The following DENND1A variants were observed in gnomAD, a reference collection of about 807,000 sequenced individuals.
DENND1A encodes DENN domain containing 1A.
Under a neutral mutation model 113.7 loss-of-function variants are expected in DENND1A, and 51 were observed. That is an observed-to-expected ratio of 0.45 (90% confidence interval 0.36 to 0.57). The LOEUF is 0.57. Among genes scored for constraint, DENND1A ranks in the 20% least tolerant of loss-of-function variants. DENND1A has a pLI of 0.00. For synonymous variants in DENND1A, 565 were observed against 570.8 expected (o/e 0.99, Z 0.14); for missense variants, 1,258 against 1,395.9 (o/e 0.90, Z 1.57).
chr9:123,815,554 A>T (rs567689454), intron 2 of DENND1A, among the ~76,000 whole-genome samples: 2 of 152,386 alleles, frequency 1.3e-5, no homozygotes, highest in South Asian at 4.1e-4. Context: ...ATAATTATAT[A>T]GCACTTGCAG....
At chr9:123,519,222 T>C (rs777516355) in intron 13 of DENND1A, among the ~76,000 whole-genome samples, 121 of 152,350 alleles carry the variant, frequency 7.9e-4, no homozygotes, top group Non-Finnish European at 3.5e-4. Flanking sequence ...TACATCGGTC[T>C]GTCTCCTTGT....
chr9:123,787,777 A>G (rs865889213), intron 3 of DENND1A, among the ~76,000 whole-genome samples: 4 of 152,212 alleles, frequency 2.6e-5, no homozygotes, highest in South Asian at 2.1e-4. Flanking sequence ...AAACCTTAAG[A>G]GAAAGGGCAC....
chr9:123,674,841 CTT>C (rs11327678), intron 6 of DENND1A, among the ~76,000 whole-genome samples: 3,508 of 132,334 alleles, frequency 0.027, 58 homozygotes, highest in South Asian at 0.062. Context: ...GTTTTTTTCT[CTT>C]TTTTTTTTTT....
At chr9:123,426,492 A>G (rs2045743186) in intron 19 of DENND1A, among the ~76,000 whole-genome samples, 1 of 152,188 alleles carries the variant, frequency 6.6e-6, no homozygotes, top group Non-Finnish European at 1.5e-5. Flanking sequence ...AGGTGGTGCT[A>G]GAAACCACAG....
intron 2 of DENND1A, among the ~76,000 whole-genome samples, chr9:123,799,726 G>A (rs143734184): frequency 5.9e-5 from 9 of 152,048 alleles, no homozygotes; most frequent in Non-Finnish European, 1.2e-4. Flanking sequence ...TATAAATACC[G>A]AACAAATATT....
At chr9:123,625,666 C>T (rs1300535255) in intron 10 of DENND1A, among the ~76,000 whole-genome samples, 3 of 152,174 alleles carry the variant, frequency 2.0e-5, no homozygotes, top group African/African-American at 7.2e-5. Context: ...ATCGCTTGAA[C>T]CCAGGAGGCT....
At position 123,552,018 on chromosome 9, in the gene DENND1A, C is replaced by CGAGAGAGAGAGAGAGAGACAGAGA. The variant is rs2057089911; in HGVS notation, c.993+5551_993+5552insTCTCTGTCTCTCTCTCTCTCTCTC. On this transcript the variant is annotated intron_variant, in intron 13 of 23. Transcript: ENST00000394215. ...GAGAGAGAGCGAGAGAGAGCGAGAG[C>CGAGAGAGAGAGAGAGAGACAGAGA]GAGAGAGAGAGAGAGAGAGACAGAG... 7.6e-4 allele frequency among the ~76,000 whole-genome samples: 90 copies of CGAGAGAGAGAGAGAGAGACAGAGA among 118,612 alleles called. 4 individuals are homozygous for CGAGAGAGAGAGAGAGAGACAGAGA. Among genetic ancestry groups the CGAGAGAGAGAGAGAGAGACAGAGA allele is most frequent in the South Asian group, 5.9e-3 (21 of 3,580 alleles). The allele number at this position is 118,612 out of a possible 152,430, so 77.8% of individuals were successfully genotyped here.
At chr9:123,390,674 C>A (rs1344668991) in intron 21 of DENND1A, among the ~76,000 whole-genome samples, 1 of 152,244 alleles carries the variant, frequency 6.6e-6, no homozygotes, top group Non-Finnish European at 1.5e-5. Flanking sequence ...TGGGGCATCA[C>A]TGGTGAAGAG....
intron 10 of DENND1A, among the ~76,000 whole-genome samples, chr9:123,625,560 A>G (rs1482439098): frequency 6.6e-6 from 1 of 152,198 alleles, no homozygotes; most frequent in African/African-American, 2.4e-5. Context: ...CCTGGCCAAC[A>G]TGGCGAAACC....
At chr9:123,553,496 A>G (rs1448498071) in intron 13 of DENND1A, among the ~76,000 whole-genome samples, 3 of 152,050 alleles carry the variant, frequency 2.0e-5, no homozygotes, top group Non-Finnish European at 1.5e-5. Context: ...GCCACTGTCA[A>G]TGATGTCTAA....
intron 13 of DENND1A, among the ~76,000 whole-genome samples, chr9:123,533,826 G>C (rs764783340): frequency 1.3e-5 from 2 of 152,158 alleles, no homozygotes; most frequent in Admixed American, 6.5e-5. Context: ...GAATGTTTAC[G>C]TACATTCAAG....
chr9:123,381,334 C>T lies in DENND1A; in HGVS notation c.*98G>A. 8.0e-7 allele frequency: 1 copy of T among 1,249,418 alleles called. No homozygotes were observed. The highest frequency in any genetic ancestry group is 1.1e-6 in the Non-Finnish European group (1 of 886,004). The allele number at this position is 1,249,418 out of a possible 1,614,324, so 77.4% of individuals were successfully genotyped here. A position where few individuals can be genotyped will look rare whatever the true frequency, so the allele number is the denominator to read the frequency against. On this transcript the variant is annotated 3_prime_UTR_variant, in exon 24 of 24. Coordinates refer to ENST00000394215, the MANE Select transcript of DENND1A (RefSeq NM_001352964.2). This position sits in a 1 kb window ranked among gnomAD's most constrained non-coding sequence, Gnocchi z 4.7. ...GAGGGGTCCCATCCCTTCCCACCAGCAGAACCTGGGCAGAGAGAGAGTGGC... is the reference window on the plus strand; with the variant it reads ...GAGGGGTCCCATCCCTTCCCACCAGTAGAACCTGGGCAGAGAGAGAGTGGC...
intron 21 of DENND1A, among the ~76,000 whole-genome samples, chr9:123,389,800 G>A: frequency 6.6e-6 from 1 of 152,234 alleles, no homozygotes; most frequent in East Asian, 1.9e-4. Context: ...CTGCTCTCCT[G>A]AGCAGGTGAG....
At chr9:123,828,012 A>G (rs934460587) in intron 2 of DENND1A, among the ~76,000 whole-genome samples, 4 of 152,236 alleles carry the variant, frequency 2.6e-5, no homozygotes, top group Non-Finnish European at 4.4e-5. Flanking sequence ...AAACAGGGAC[A>G]AAAGAAAGGT....
chr9:123,691,503 C>A (rs1277423927), intron 5 of DENND1A, among the ~76,000 whole-genome samples: 3 of 151,310 alleles, frequency 2.0e-5, no homozygotes, highest in Non-Finnish European at 2.9e-5. Flanking sequence ...GTTACTGGAT[C>A]CCAGAGTAAG....
At chr9:123,652,217 G>C (rs906135632) in intron 8 of DENND1A, 94 bp from the exon 9 acceptor site, 2 of 1,059,874 alleles carry the variant, frequency 1.9e-6, no homozygotes, top group Non-Finnish European at 2.8e-6. Context: ...AAAATAATCA[G>C]AAAGTATACT....
intron 5 of DENND1A, among the ~76,000 whole-genome samples, chr9:123,704,020 G>C (rs1043593050): frequency 2.6e-5 from 4 of 151,744 alleles, no homozygotes; most frequent in African/African-American, 9.7e-5. Flanking sequence ...TTGGCCTATG[G>C]AAGATTAGAT....
chr9:123,538,809 CATATAT>C (rs35223887), intron 13 of DENND1A, among the ~76,000 whole-genome samples: 809 of 22,042 alleles, frequency 0.037, 5 homozygotes, highest in Non-Finnish European at 0.043. Context: ...ACAACTCATA[CATATAT>C]ATATATATAT....
chr9:123,655,226 A>G (rs1054049867), intron 8 of DENND1A, among the ~76,000 whole-genome samples: 1 of 152,064 alleles, frequency 6.6e-6, no homozygotes, highest in Non-Finnish European at 1.5e-5. Flanking sequence ...CTCAGTTTTA[A>G]GTATGTTTTT....
Sources: gnomAD v4.1 joint callset for allele counts (sites outside exome capture counted in the v4.1 genomes callset) on GRCh38, gnomAD v4.1.1 for gene constraint, Gnocchi (gnomAD v3.1) non-coding constraint, MANE v1.5 for transcripts, NCBI Gene and HGNC (gene_info 2026-07-23, HGNC 2026-07-21) for gene names.